RSRC1: variants seen among roughly 807,000 people sequenced by gnomAD.
RSRC1 encodes the protein serine/Arginine-related protein 53.
RSRC1 carries 39 observed loss-of-function variants against 49.1 expected under a neutral mutation model. The ratio of observed to expected loss-of-function variants is 0.79; its 90% CI spans 0.61 to 1.04. The LOEUF is 1.04. RSRC1 is among the 50% of genes least tolerant of loss of function. The pLI is 0.00. For missense variants in RSRC1, 388 were observed against 402.4 expected (o/e 0.96, Z 0.31); for synonymous variants, 143 against 130.8 (o/e 1.09, Z -0.63).
chr3:158,191,276 C>G (rs1401681701), intron 3 of RSRC1, among the ~76,000 whole-genome samples: 1 of 151,954 alleles, frequency 6.6e-6, no homozygotes, highest in Non-Finnish European at 1.5e-5. Flanking sequence ...AAAATGTCAT[C>G]CTGACATGGA....
intron 5 of RSRC1, among the ~76,000 whole-genome samples, chr3:158,349,471 T>C (rs554054131): frequency 6.6e-6 from 1 of 152,226 alleles, no homozygotes; most frequent in Non-Finnish European, 1.5e-5. Flanking sequence ...TGGAGTTAAG[T>C]AGTCCAGCCG....
chr3:158,334,963 C>T (rs1467264507), intron 5 of RSRC1, among the ~76,000 whole-genome samples: 1 of 152,086 alleles, frequency 6.6e-6, no homozygotes, highest in Non-Finnish European at 1.5e-5. Context: ...TTTCCTATCT[C>T]TTTGCCTACC....
At chr3:158,310,680 A>G (rs576783054) in intron 5 of RSRC1, among the ~76,000 whole-genome samples, 36 of 151,898 alleles carry the variant, frequency 2.4e-4, no homozygotes, top group Middle Eastern at 3.4e-3. Context: ...GTTTTAAAAT[A>G]ACACAAATCA....
intron 6 of RSRC1, among the ~76,000 whole-genome samples, chr3:158,460,455 T>G (rs1405278537): frequency 6.6e-6 from 1 of 151,860 alleles, no homozygotes; most frequent in Non-Finnish European, 1.5e-5. Flanking sequence ...CCAAATGCTG[T>G]CATAACATGA....
chr3:158,463,121 A>G (rs1438719909), intron 7 of RSRC1, among the ~76,000 whole-genome samples: 3 of 152,068 alleles, frequency 2.0e-5, no homozygotes, highest in African/African-American at 4.8e-5. Flanking sequence ...ATTCCAAATA[A>G]TCTCATTGAA....
intron 7 of RSRC1, among the ~76,000 whole-genome samples, chr3:158,486,927 G>A (rs1231133577): frequency 1.2e-4 from 18 of 152,118 alleles, no homozygotes; most frequent in Non-Finnish European, 1.5e-5. Context: ...AGCCCACACA[G>A]CAACTGGATC....
intron 3 of RSRC1, among the ~76,000 whole-genome samples, chr3:158,199,290 A>G (rs552411458): frequency 1.4e-4 from 21 of 152,044 alleles, no homozygotes; most frequent in Non-Finnish European, 2.1e-4. Flanking sequence ...AGTCTCAGGT[A>G]TGTCTTTATC....
chr3:158,133,717 C>T (rs1237194110), intron 3 of RSRC1, among the ~76,000 whole-genome samples: 16 of 152,082 alleles, frequency 1.1e-4, no homozygotes, highest in Admixed American at 9.8e-4. Flanking sequence ...ATAAATCATC[C>T]CATTTCCTAA....
At chr3:158,293,180 A>G (rs1727037102) in intron 4 of RSRC1, among the ~76,000 whole-genome samples, 1 of 152,092 alleles carries the variant, frequency 6.6e-6, no homozygotes, top group African/African-American at 2.4e-5. Flanking sequence ...ATATAAATGA[A>G]AACTTCTTGG....
chr3:158,488,578 A>G (rs1027336292), intron 7 of RSRC1, among the ~76,000 whole-genome samples: 11 of 152,212 alleles, frequency 7.2e-5, no homozygotes, highest in African/African-American at 2.7e-4. Context: ...TAGAAATTAG[A>G]GTATATAAAG....
Position 158,162,190 on chromosome 3 carries a change from C to G in RSRC1, c.320+38199C>G, listed in dbSNP as rs186440148. Among the ~76,000 whole-genome samples the G allele has an allele frequency of 1.8e-4, 27 of 152,162 alleles. No individual in the cohort carries two copies. The East Asian group carries it at 3.1e-3, about 17-fold the overall frequency. On this transcript the variant is annotated intron_variant, in intron 3 of 9. Coordinates refer to ENST00000611884, the MANE Select transcript of RSRC1 (RefSeq NM_001271838.2). ...CTTTTTTGTTTAATGTTTTGGGTGG[C>G]TTCTCAAAATACTCTAAGTAAATCA...
In RSRC1 at chr3:158,537,107, T is replaced by C. The variant is rs763462005; in HGVS notation, c.668T>C (p.Val223Ala). Residue 223 changes from valine to alanine, a missense_variant, in exon 8 of 10, where the codon GTA (valine) becomes GCA (alanine). Physicochemically the swap from Val to Ala is moderately conservative, Grantham distance 64. Transcript: ENST00000611884. The part of the protein sequence containing the change: ...RRKEEDQATL[V>A]EQVKRVKEIE... ...TCTTTTTCAGACCAAGCCACCCTGG[T>C]AGAACAAGTAAAAAGAGTAAAAGAA... The C allele has an allele frequency of 6.2e-7, 1 of 1,608,602 alleles. No individual in the cohort carries two copies. The highest frequency in any genetic ancestry group is 1.1e-5 in the South Asian group (1 of 90,744).
chr3:158,283,804 C>A (rs1206453507), intron 4 of RSRC1, among the ~76,000 whole-genome samples: 1 of 151,974 alleles, frequency 6.6e-6, no homozygotes, highest in Non-Finnish European at 1.5e-5. Flanking sequence ...GTGTTATTTT[C>A]TGCTTCCACT....
chr3:158,417,361 T>C (rs1177522935), intron 6 of RSRC1, among the ~76,000 whole-genome samples: 1 of 152,066 alleles, frequency 6.6e-6, no homozygotes, highest in African/African-American at 2.4e-5. Flanking sequence ...GTTAGAGAAA[T>C]CTCTGCTTCA....
chr3:158,352,289 G>A (rs1001601184), intron 5 of RSRC1, among the ~76,000 whole-genome samples: 1 of 152,002 alleles, frequency 6.6e-6, no homozygotes, highest in African/African-American at 2.4e-5. Flanking sequence ...AAAGAAAAAA[G>A]AATCTTCCCT....
At chr3:158,114,430 T>G (rs1322204178) in intron 1 of RSRC1, among the ~76,000 whole-genome samples, 1 of 152,214 alleles carries the variant, frequency 6.6e-6, no homozygotes, top group Non-Finnish European at 1.5e-5. Context: ...TCAGGTAGCA[T>G]GATGCCTCCA....
At chr3:158,299,596 A>G (rs1299375789) in intron 5 of RSRC1, among the ~76,000 whole-genome samples, 1 of 152,112 alleles carries the variant, frequency 6.6e-6, no homozygotes, top group Non-Finnish European at 1.5e-5. Flanking sequence ...TCAGCCTCCC[A>G]AAATGCTGGA....
chr3:158,402,513 G>A (rs1345591981), intron 6 of RSRC1, among the ~76,000 whole-genome samples: 1 of 151,658 alleles, frequency 6.6e-6, no homozygotes, highest in Non-Finnish European at 1.5e-5. Context: ...GACTTTAAGA[G>A]TTGTATTATA....
chr3:158,204,950 G>C (rs1224687477), intron 4 of RSRC1, among the ~76,000 whole-genome samples: 2 of 152,080 alleles, frequency 1.3e-5, no homozygotes, highest in Non-Finnish European at 2.9e-5. Context: ...GTTAAAAAGG[G>C]TTCTCATATG....
Sources: allele counts gnomAD v4.1 joint callset (sites outside exome capture counted in the v4.1 genomes callset), GRCh38; gene constraint gnomAD v4.1.1; transcripts MANE v1.5; gene names NCBI Gene and HGNC (gene_info 2026-07-23, HGNC 2026-07-21).